The following GALNS variants were observed in gnomAD, a reference collection of about 807,000 sequenced individuals.
The protein encoded by GALNS is N-acetylgalactosamine-6-sulfatase.
A neutral mutation model predicts 65.9 loss-of-function variants in GALNS; 65 were observed. The observed-to-expected ratio is 0.99, with a 90% CI of 0.81 to 1.21. GALNS has a LOEUF of 1.21. GALNS is among the 50% of genes most tolerant of loss of function. The pLI, the probability that GALNS is intolerant of heterozygous loss-of-function variation, is 0.00. For synonymous variants in GALNS, 346 were observed against 288.9 expected (o/e 1.20, Z -2.00); for missense variants, 776 against 700.7 (o/e 1.11, Z -1.21).
Position 88,855,948 on chromosome 16 carries a change from T to C in GALNS, c.120+810A>G, listed in dbSNP as rs1967826474. ...CAACGTGAGCACGGCGGGACAGGTGTAACCCCCCAGGTGTGGCAGCTGAGG... is the reference window on the plus strand; with the variant it reads ...CAACGTGAGCACGGCGGGACAGGTGCAACCCCCCAGGTGTGGCAGCTGAGG... On this transcript the variant is annotated intron_variant, in intron 1 of 13. Coordinates refer to ENST00000268695, the MANE Select transcript of GALNS (RefSeq NM_000512.5). 7 of 574,866 alleles carry C rather than the reference T, an allele frequency of 1.2e-5. No individual in the cohort carries two copies. In the South Asian group the frequency reaches 1.4e-4, roughly 12 times the overall value. The allele number at this position is 574,866 out of a possible 1,614,324, so 35.6% of individuals were successfully genotyped here.
In GALNS at chr16:88,851,785, G is replaced by C. The variant is rs557075757; in HGVS notation, c.120+4973C>G. ...GCACAGCAGTCTGAGATCCACCTGCGAGGTGGCAGCCTGCCTGGGGAGGGG... is the reference window on the plus strand; with the variant it reads ...GCACAGCAGTCTGAGATCCACCTGCCAGGTGGCAGCCTGCCTGGGGAGGGG... On this transcript the variant is annotated intron_variant, in intron 1 of 13. Transcript: ENST00000268695. 3.3e-5 allele frequency among the ~76,000 whole-genome samples: 5 copies of C among 152,232 alleles called. No individual in the cohort carries two copies. In the South Asian group the frequency reaches 1.0e-3, roughly 32 times the overall value.
rs757171965 is a variant in GALNS, at chr16:88,822,632, T to A, written c.1321A>T (p.Ile441Phe). ...CCTGGGTCCCGTCCCAGGTGGAAGATCAGGGGCAGCTTCGTGTGGTCTTCC... is the reference window on the plus strand; with the variant it reads ...CCTGGGTCCCGTCCCAGGTGGAAGAACAGGGGCAGCTTCGTGTGGTCTTCC... ...NLEDHTKLPL[I>F]FHLGRDPGER... The change falls in exon 12 of 14, where the codon ATC (isoleucine) becomes TTC (phenylalanine). Residue 441 changes from isoleucine (I) to phenylalanine (F), a missense_variant. Physicochemically the swap from Ile to Phe is conservative, Grantham distance 21 (BLOSUM62 0). Transcript: ENST00000268695. 6.2e-7 allele frequency: 1 copy of A among 1,613,014 alleles called. No homozygotes were observed. Among genetic ancestry groups the A allele is most frequent in the East Asian group, 2.2e-5 (1 of 44,840 alleles).
chr16:88,817,296 T>C (rs1013996967), intron 13 of GALNS: 2 of 985,246 alleles, frequency 2.0e-6, no homozygotes, highest in African/African-American at 3.5e-5. Flanking sequence ...CAGTGAAACT[T>C]TGGAGGCACG....
At chr16:88,852,230 C>A (rs1967538094) in intron 1 of GALNS, among the ~76,000 whole-genome samples, 1 of 152,202 alleles carries the variant, frequency 6.6e-6, no homozygotes, top group Non-Finnish European at 1.5e-5. Context: ...CTGGTGATAC[C>A]CAGGCAAACA....
intron 9 of GALNS, chr16:88,827,094 G>C (rs929588379): frequency 1.7e-6 from 1 of 582,554 alleles, no homozygotes; most frequent in African/African-American, 1.9e-5. Context: ...CTGTGGATCA[G>C]ATGAAAGGAG....
intron 1 of GALNS, among the ~76,000 whole-genome samples, chr16:88,848,450 A>G (rs2143008197): frequency 6.6e-6 from 1 of 152,128 alleles, no homozygotes; most frequent in East Asian, 1.9e-4. Context: ...TTGCTAACAC[A>G]GTGAAACCCC....
intron 12 of GALNS, among the ~76,000 whole-genome samples, chr16:88,821,706 C>T (rs1352605009): frequency 2.0e-5 from 3 of 152,164 alleles, no homozygotes; most frequent in East Asian, 3.9e-4. Context: ...CTGCTCTCTG[C>T]TGCCTCCCAC....
At chr16:88,819,889 T>C (rs1242856703) in intron 12 of GALNS, among the ~76,000 whole-genome samples, 1 of 152,174 alleles carries the variant, frequency 6.6e-6, no homozygotes, top group Non-Finnish European at 1.5e-5. Context: ...AGACGGGGTT[T>C]CACCATGTTG....
intron 1 of GALNS, chr16:88,844,269 C>T (rs925045287): frequency 2.0e-5 from 3 of 152,194 alleles, no homozygotes; most frequent in African/African-American, 7.2e-5. Flanking sequence ...AGCAAATGCC[C>T]ACGGCAAACT....
chr16:88,823,392 G>A (rs79314133), intron 11 of GALNS, among the ~76,000 whole-genome samples: 7,773 of 152,362 alleles, frequency 0.051, 248 homozygotes, highest in Middle Eastern at 0.16. Context: ...CTCCTGATTC[G>A]GGAAAGGCGA....
In GALNS at chr16:88,814,273, GGGTCAGGTCCT is replaced by G; in HGVS notation, c.*155_*165del. 1 of 932,100 alleles carries G rather than the reference GGGTCAGGTCCT, an allele frequency of 1.1e-6. No individual in the cohort carries two copies. The highest frequency in any genetic ancestry group is 1.7e-6 in the Non-Finnish European group (1 of 596,042). 57.7% of individuals were successfully genotyped at this position (932,100 alleles called of 1,614,324 possible). Reference sequence around the variant, plus strand: ...GAGGAGGAGGGCCAAGCACACGCCAGGGTCAGGTCCTGGGCAGGTGGAATTGTGCAGTCCCC... The same window carrying G: ...GAGGAGGAGGGCCAAGCACACGCCAGGGGCAGGTGGAATTGTGCAGTCCCC... On this transcript the variant is annotated 3_prime_UTR_variant, in exon 14 of 14. Coordinates refer to ENST00000268695, the MANE Select transcript of GALNS (RefSeq NM_000512.5).
At chr16:88,832,316 T>G (rs749780613) in intron 8 of GALNS, among the ~76,000 whole-genome samples, 2 of 152,158 alleles carry the variant, frequency 1.3e-5, no homozygotes, top group Non-Finnish European at 2.9e-5. Flanking sequence ...GGGGACATCA[T>G]GCCCACTGAG....
rs2142993896 is a variant in GALNS, at chr16:88,824,867, G to C, written c.1142C>G (p.Pro381Arg). 1 of 1,612,940 alleles carries C rather than the reference G, an allele frequency of 6.2e-7. No individual in the cohort carries two copies. Among genetic ancestry groups the C allele is most frequent in the East Asian group, 2.2e-5 (1 of 44,892 alleles). ...CGTGTCGCCACGGTAATAGAAGATAGGCCTGTGGGATGGGAGGGGAGGACC... is the reference window on the plus strand; with the variant it reads ...CGTGTCGCCACGGTAATAGAAGATACGCCTGTGGGATGGGAGGGGAGGACC... Reference protein sequence around the residue: ...TLLQGRLMDRPIFYYRGDTLM... With the variant: ...TLLQGRLMDRRIFYYRGDTLM... The change falls in exon 11 of 14, where the codon CCT becomes CGT. Residue 381 changes from proline (P) to arginine (R), a missense_variant and splice_region_variant. Transcript: ENST00000268695.
chr16:88,815,104 C>T (rs573038403), intron 13 of GALNS: 2 of 985,484 alleles, frequency 2.0e-6, no homozygotes, highest in South Asian at 9.4e-5. Flanking sequence ...GTGTGGGGAC[C>T]ACCTCGGTCC....
intron 1 of GALNS, among the ~76,000 whole-genome samples, chr16:88,854,789 G>A (rs576185724): frequency 5.5e-4 from 84 of 152,394 alleles, no homozygotes; most frequent in African/African-American, 2.0e-3. Flanking sequence ...AGGAGGGCCA[G>A]GGAATCCCCA....
At chr16:88,855,395 G>GA (rs1260373301) in intron 1 of GALNS, 1 of 702,764 alleles carries the variant, frequency 1.4e-6, no homozygotes, top group African/African-American at 1.7e-5. Flanking sequence ...CTTCAAAAGT[G>GA]AAAGGATGAA....
chr16:88,832,378 C>T lies in GALNS; in HGVS notation c.899-277G>A, dbSNP rs8050636. The stretch of plus-strand genomic sequence containing the variant: ...CAGCAAGACTCAGAGAGGTACACTC[C>T]CGCAGCAGAGGCCCTGGGTGCCACG... On this transcript the variant is annotated intron_variant, in intron 8 of 13. Coordinates refer to ENST00000268695, the MANE Select transcript of GALNS (RefSeq NM_000512.5). Among the ~76,000 whole-genome samples, 20,328 of 152,226 alleles carry T rather than the reference C, an allele frequency of 0.13. 1,616 individuals carry two copies. Among genetic ancestry groups the T allele is most frequent in the Non-Finnish European group, 0.17 (11,408 of 67,994 alleles).
rs1911581694 is a variant in GALNS at position 88,832,205 on chromosome 16, C to G, written c.899-104G>C. The stretch of plus-strand genomic sequence containing the variant: ...GAGACTGGTCATAGGGACAAAGGGC[C>G]CGGCCAAGGCACTCTGGCTGGAGTG... On this transcript the variant is annotated intron_variant, in intron 8 of 13. Transcript: ENST00000268695. The G allele has an allele frequency of 1.2e-5, 12 of 1,026,330 alleles. No homozygotes were observed. The South Asian group carries it at 1.5e-4, about 13-fold the overall frequency. The allele number at this position is 1,026,330 out of a possible 1,614,324, so 63.6% of individuals were successfully genotyped here.
chr16:88,842,981 G>C, intron 1 of GALNS, 152 bp from the exon 2 acceptor site: 1 of 1,507,240 alleles, frequency 6.6e-7, no homozygotes, highest in East Asian at 2.5e-5. Flanking sequence ...CCAAACCCCA[G>C]CATCGCCTGC....
Sources: gnomAD v4.1 joint callset for allele counts (sites outside exome capture counted in the v4.1 genomes callset) on GRCh38, gnomAD v4.1.1 for gene constraint, MANE v1.5 for transcripts, NCBI Gene and HGNC (gene_info 2026-07-23, HGNC 2026-07-21) for gene names.